TSN: variants seen among roughly 807,000 people sequenced by gnomAD.
The protein encoded by TSN is translin.
A neutral mutation model predicts 29.4 loss-of-function variants in TSN; 5 were observed. That is an observed-to-expected ratio of 0.17 (90% CI 0.09 to 0.36). TSN has a LOEUF of 0.36. Ranked by LOEUF, TSN falls within the 10% of genes least tolerant of loss-of-function variation. The pLI is 1.00. For missense variants in TSN, 159 were observed against 272.8 expected (o/e 0.58, Z 2.94); for synonymous variants, 106 against 102.2 (o/e 1.04, Z -0.23).
chr2:121,764,539 T>A (rs1352068788), intron 5 of TSN, among the ~76,000 whole-genome samples: 1 of 152,124 alleles, frequency 6.6e-6, no homozygotes, highest in Non-Finnish European at 1.5e-5. Context: ...AAGGGGAATC[T>A]TTTTTATTAT....
intron 1 of TSN, chr2:121,756,132 C>G: frequency 1.9e-6 from 1 of 519,484 alleles, no homozygotes; most frequent in South Asian, 2.4e-5. Flanking sequence ...AGCACCTGGT[C>G]TTCAGCGAAT....
chr2:121,763,370 C>T (rs912960793), intron 5 of TSN, among the ~76,000 whole-genome samples: 1 of 152,158 alleles, frequency 6.6e-6, no homozygotes, highest in Non-Finnish European at 1.5e-5. Context: ...TGGTCTCGAT[C>T]TCCTGACCTC....
intron 1 of TSN, chr2:121,756,443 T>C (rs1400805572): frequency 3.9e-6 from 1 of 255,270 alleles, no homozygotes; most frequent in African/African-American, 2.4e-5. Flanking sequence ...TTTCCTGTTA[T>C]GTTTTCTAGT....
At chr2:121,764,919 T>G (rs991682082) in intron 5 of TSN, among the ~76,000 whole-genome samples, 12 of 152,236 alleles carry the variant, frequency 7.9e-5, no homozygotes, top group African/African-American at 2.9e-4. Flanking sequence ...ATTTTAGATG[T>G]TAGTAATGTT....
intron 1 of TSN, 138 bp from the exon 2 acceptor site, chr2:121,757,102 T>G: frequency 1.3e-6 from 1 of 756,670 alleles, no homozygotes; most frequent in Non-Finnish European, 2.1e-6. Context: ...CTTTTTGAAG[T>G]CTTACAGAGG....
intron 2 of TSN, 57 bp downstream of exon 2, chr2:121,757,390 A>G (rs942507382): frequency 1.9e-6 from 3 of 1,610,404 alleles, no homozygotes; most frequent in Non-Finnish European, 2.5e-6. Flanking sequence ...GAGAGTTTCT[A>G]TCCAGAAGAC....
chr2:121,762,747 A>C (rs1467553978), intron 4 of TSN, among the ~76,000 whole-genome samples: 1 of 152,240 alleles, frequency 6.6e-6, no homozygotes, highest in Non-Finnish European at 1.5e-5. Flanking sequence ...TGTGCTTTCT[A>C]ACAAGAAGTA....
At chr2:121,756,789 A>G (rs1189003179) in intron 1 of TSN, 1 of 364,368 alleles carries the variant, frequency 2.7e-6, no homozygotes, top group South Asian at 2.4e-5. Context: ...CACACCTGTA[A>G]TCCCAGCTAC....
At chr2:121,756,742 T>G (rs1231511020) in intron 1 of TSN, 3 of 579,534 alleles carry the variant, frequency 5.2e-6, no homozygotes, top group African/African-American at 2.0e-5. Context: ...CTGTCTCTAC[T>G]AAAAATATAA....
At chr2:121,757,497 C>A in intron 2 of TSN, 164 bp downstream of exon 2, 1 of 1,343,828 alleles carries the variant, frequency 7.4e-7, no homozygotes, top group Non-Finnish European at 1.0e-6. Context: ...TCCACTTCCA[C>A]ACAGTATGGT....
At chr2:121,760,763 A>G (rs1165228291) in intron 3 of TSN, among the ~76,000 whole-genome samples, 1 of 152,166 alleles carries the variant, frequency 6.6e-6, no homozygotes, top group East Asian at 1.9e-4. Flanking sequence ...TTCAATCATC[A>G]GTTACAAATT....
chr2:121,762,936 GT>G, intron 4 of TSN, 68 bp from the exon 5 acceptor site: 1 of 1,350,976 alleles, frequency 7.4e-7, no homozygotes, highest in Non-Finnish European at 1.0e-6. Context: ...GAGAAATTAT[GT>G]GTATATTTTT....
At chr2:121,757,375 A>G in intron 2 of TSN, 42 bp downstream of exon 2, 2 of 1,613,018 alleles carry the variant, frequency 1.2e-6, no homozygotes, top group Admixed American at 1.7e-5. Context: ...TCTCTTATTT[A>G]GAGGGAGAGT....
At chr2:121,758,516 T>G (rs2074779611) in intron 2 of TSN, among the ~76,000 whole-genome samples, 194 bp from the exon 3 acceptor site, 1 of 152,222 alleles carries the variant, frequency 6.6e-6, no homozygotes, top group Non-Finnish European at 1.5e-5. Context: ...AGCAAGTTGT[T>G]TATTTTTCAG....
intron 1 of TSN, chr2:121,756,834 G>T (rs1363939026): frequency 3.4e-6 from 1 of 291,670 alleles, no homozygotes; most frequent in African/African-American, 2.3e-5. Context: ...GCGTGAACCC[G>T]GGAGGCGGAG....
chr2:121,766,000 G>A lies in TSN; in HGVS notation c.*633G>A, dbSNP rs973400510. 1 of 152,354 alleles carries A rather than the reference G, an allele frequency of 6.6e-6. No individual in the cohort carries two copies. The highest frequency in any genetic ancestry group is 1.9e-4 in the East Asian group (1 of 5,208). The allele number at this position is 152,354 out of a possible 1,614,324, so 9.4% of individuals were successfully genotyped here. On this transcript the variant is annotated 3_prime_UTR_variant, in exon 6 of 6. Coordinates refer to ENST00000389682, the MANE Select transcript of TSN (RefSeq NM_004622.3). ...ATTTTGGAAAGTTTTTGTATTAAGG[G>A]ATTTAGTAACATCATTTTGTTTTCC...
chr2:121,761,660 G>A, intron 4 of TSN, 136 bp downstream of exon 4: 1 of 678,118 alleles, frequency 1.5e-6, no homozygotes, highest in Non-Finnish European at 2.6e-6. Context: ...CTTGGTATCT[G>A]AGGATGATGC....
intron 3 of TSN, among the ~76,000 whole-genome samples, 166 bp from the exon 4 acceptor site, chr2:121,761,243 G>A (rs2074823783): frequency 6.6e-6 from 1 of 152,158 alleles, no homozygotes; most frequent in Non-Finnish European, 1.5e-5. Context: ...ATTCGAACTT[G>A]TAAAATTAAT....
In TSN at chr2:121,755,696, T is replaced by A. The variant is rs1573384996; in HGVS notation, c.-84T>A. 6.4e-7 allele frequency: 1 copy of A among 1,565,180 alleles called. No individual in the cohort carries two copies. The highest frequency in any genetic ancestry group is 2.2e-5 in the East Asian group (1 of 44,454). ...GGGACGCGGCGGTAGCGGCGGCCGT[T>A]GCGATTGATTGCGCTGGTTGCCTGC... On this transcript the variant is annotated 5_prime_UTR_variant, in exon 1 of 6. Transcript: ENST00000389682.
Sources: allele counts gnomAD v4.1 joint callset (sites outside exome capture counted in the v4.1 genomes callset), GRCh38; gene constraint gnomAD v4.1.1; transcripts MANE v1.5; gene names NCBI Gene and HGNC (gene_info 2026-07-23, HGNC 2026-07-21).